C2orf42: variants seen among roughly 807,000 people sequenced by gnomAD.
C2orf42 encodes the protein chromosome 2 open reading frame 42.
A neutral mutation model predicts 58.9 loss-of-function variants in C2orf42; 44 were observed. The ratio of observed to expected loss-of-function variants is 0.75; its 90% CI spans 0.59 to 0.96. The LOEUF (loss-of-function observed/expected upper bound fraction) is 0.96. Ranked by LOEUF, C2orf42 falls within the 40% of genes least tolerant of loss-of-function variation. C2orf42 has a pLI of 0.00. For synonymous variants in C2orf42, 239 were observed against 265.4 expected (o/e 0.90, Z 0.97); for missense variants, 630 against 699.2 (o/e 0.90, Z 1.12).
chr2:70,162,624 C>T (rs1439876927), intron 8 of C2orf42, among the ~76,000 whole-genome samples: 1 of 151,790 alleles, frequency 6.6e-6, no homozygotes, highest in African/African-American at 2.4e-5. Flanking sequence ...GCCTAGACAA[C>T]AGAGTGAGAC....
intron 9 of C2orf42, among the ~76,000 whole-genome samples, chr2:70,154,363 G>A (rs540293569): frequency 2.5e-5 from 3 of 118,316 alleles, no homozygotes; most frequent in Non-Finnish European, 4.8e-5. Context: ...AGGAGTTCAA[G>A]ACCAGCCTGG....
intron 4 of C2orf42, among the ~76,000 whole-genome samples, chr2:70,179,188 G>A (rs945625871): frequency 2.0e-5 from 3 of 152,004 alleles, no homozygotes; most frequent in African/African-American, 7.2e-5. Context: ...TTTTGGCTAA[G>A]GGATCAAACT....
At chr2:70,184,479 ATTTTTTTTTTTTT>A (rs771522645) in intron 1 of C2orf42, among the ~76,000 whole-genome samples, 1 of 77,356 alleles carries the variant, frequency 1.3e-5, no homozygotes, top group South Asian at 4.4e-4. Context: ...GCCTGGCCCT[ATTTTTTTTTTTTT>A]TTTTTTTTTT....
chr2:70,158,682 T>C (rs532774401), intron 9 of C2orf42, among the ~76,000 whole-genome samples: 63 of 151,810 alleles, frequency 4.1e-4, no homozygotes, highest in African/African-American at 1.5e-3. Context: ...TCTCCTGACC[T>C]CGTGATCTGC....
rs115714837 is a variant in C2orf42, at chr2:70,154,556, C to T, written c.1517-3992G>A. 2.0e-3 allele frequency among the ~76,000 whole-genome samples: 296 copies of T among 150,258 alleles called. 1 individual carries two copies. Among genetic ancestry groups the T allele is most frequent in the African/African-American group, 7.0e-3 (285 of 40,876 alleles). On this transcript the variant is annotated intron_variant, in intron 9 of 9. Coordinates refer to ENST00000264434, the MANE Select transcript of C2orf42 (RefSeq NM_017880.3). ...AAAACAGAAAGATTAGAAATAGACA[C>T]AAATACAACAGGAATTTAGCCTAAG...
intron 8 of C2orf42, among the ~76,000 whole-genome samples, chr2:70,162,563 GA>G (rs1419966992): frequency 5.5e-4 from 84 of 151,746 alleles, no homozygotes; most frequent in Admixed American, 5.4e-3. Context: ...AGAATTGCTT[GA>G]ACCTGGGAGG....
rs199565745 is a variant in C2orf42, at chr2:70,184,512, G to C, written c.-281-1577C>G. On this transcript the variant is annotated intron_variant, in intron 1 of 9. Transcript: ENST00000264434. ...TTTTTTTTTTTTTTTTTTTGAGACA[G>C]AGTCTCACTCTGTTGTCAAAGATGG... is the stretch of plus-strand genomic sequence containing the variant. 5.5e-4 allele frequency among the ~76,000 whole-genome samples: 24 copies of C among 43,480 alleles called. 1 individual carries two copies. The highest frequency in any genetic ancestry group is 3.2e-3 in the African/African-American group (22 of 6,786). The allele number at this position is 43,480 out of a possible 152,430, so 28.5% of individuals were successfully genotyped here.
At chr2:70,165,462 AT>A in intron 7 of C2orf42, 65 bp downstream of exon 7, 1 of 944,248 alleles carries the variant, frequency 1.1e-6, no homozygotes, top group Non-Finnish European at 1.7e-6. Flanking sequence ...TTCCACACAG[AT>A]TTTTTCCAAA....
chr2:70,177,618 T>C (rs1301296264), intron 4 of C2orf42, among the ~76,000 whole-genome samples: 1 of 152,168 alleles, frequency 6.6e-6, no homozygotes, highest in Non-Finnish European at 1.5e-5. Context: ...TTCCTATAGG[T>C]AGGACCATTT....
intron 2 of C2orf42, among the ~76,000 whole-genome samples, chr2:70,182,243 G>A (rs562515433): frequency 2.6e-4 from 39 of 152,182 alleles, no homozygotes; most frequent in African/African-American, 9.4e-4. Context: ...GGGACTATAG[G>A]CACCCGCCAC....
chr2:70,190,431 T>C (rs192713854), intron 1 of C2orf42: 2 of 152,378 alleles, frequency 1.3e-5, no homozygotes, highest in South Asian at 2.1e-4. Flanking sequence ...ATCCTTTCTA[T>C]GCATGTACTG....
chr2:70,151,342 AC>A (rs1422702418), intron 9 of C2orf42, among the ~76,000 whole-genome samples: 1 of 152,086 alleles, frequency 6.6e-6, no homozygotes. Flanking sequence ...ATACAAGAAA[AC>A]AAGAAGGATA....
chr2:70,178,522 G>A (rs1360198751), intron 4 of C2orf42, among the ~76,000 whole-genome samples: 1 of 152,142 alleles, frequency 6.6e-6, no homozygotes, highest in Non-Finnish European at 1.5e-5. Flanking sequence ...CAGAAGAATT[G>A]CTTGAACCTG....
At chr2:70,152,086 C>T (rs1672349849) in intron 9 of C2orf42, among the ~76,000 whole-genome samples, 1 of 152,044 alleles carries the variant, frequency 6.6e-6, no homozygotes, top group Admixed American at 6.6e-5. Context: ...TTATATTTTA[C>T]TTTTAACTTC....
At chr2:70,169,261 A>C (rs1673630161) in intron 6 of C2orf42, among the ~76,000 whole-genome samples, 1 of 151,764 alleles carries the variant, frequency 6.6e-6, no homozygotes, top group African/African-American at 2.4e-5. Context: ...ACACACACAC[A>C]CACACACACA....
intron 9 of C2orf42, among the ~76,000 whole-genome samples, chr2:70,152,925 C>G (rs113234238): frequency 0.015 from 2,293 of 151,762 alleles, 49 homozygotes; most frequent in African/African-American, 0.053. Context: ...CCCAGCTACT[C>G]AGAAGGCTGA....
chr2:70,186,666 C>T (rs562230615), intron 1 of C2orf42, among the ~76,000 whole-genome samples: 97 of 152,174 alleles, frequency 6.4e-4, no homozygotes, highest in Non-Finnish European at 1.1e-3. Flanking sequence ...ATGTTTATTG[C>T]GGCACTATTC....
chr2:70,182,106 A>AT (rs879788771), intron 2 of C2orf42, 109 bp from the exon 3 acceptor site: 27,562 of 474,686 alleles, frequency 0.058, no homozygotes, highest in Middle Eastern at 0.082. Context: ...GCTATCTACT[A>AT]TTTTTTTTTT....
At chr2:70,181,134 G>C (rs564526178) in intron 3 of C2orf42, 29 bp downstream of exon 3, 11 of 1,354,564 alleles carry the variant, frequency 8.1e-6, no homozygotes, top group Admixed American at 2.2e-5. Flanking sequence ...TTAGAAAAAC[G>C]TAATAACCAC....
Sources: gnomAD v4.1 joint callset for allele counts (sites outside exome capture counted in the v4.1 genomes callset) on GRCh38, gnomAD v4.1.1 for gene constraint, MANE v1.5 for transcripts, NCBI Gene and HGNC (gene_info 2026-07-23, HGNC 2026-07-21) for gene names.